ZNF280D: variants seen among roughly 807,000 people sequenced by gnomAD.
ZNF280D encodes zinc finger protein 280D, also known as suppressor of hairy wing homolog 4.
ZNF280D carries 39 observed loss-of-function variants against 94.7 expected under a neutral mutation model. That is an observed-to-expected ratio of 0.41 (90% CI 0.32 to 0.54). The LOEUF (loss-of-function observed/expected upper bound fraction) is 0.54, where lower values mean the gene tolerates loss of function less well. Ranked by LOEUF, ZNF280D falls within the 20% of genes least tolerant of loss-of-function variation. The probability of loss-of-function intolerance (pLI) is 0.22; values close to 1 mark genes in which losing one functional copy is unlikely to be tolerated. For synonymous variants in ZNF280D, 398 were observed against 377.6 expected (o/e 1.05, Z -0.63); for missense variants, 1,090 against 1,149.3 (o/e 0.95, Z 0.75).
At chr15:56,660,181 G>C (rs2053838421) in intron 16 of ZNF280D, among the ~76,000 whole-genome samples, 1 of 152,030 alleles carries the variant, frequency 6.6e-6, no homozygotes, top group African/African-American at 2.4e-5. Context: ...TATTTCCTCA[G>C]AGAAATAAGT....
chr15:56,714,497 A>T lies in ZNF280D; in HGVS notation c.-85-7191T>A, dbSNP rs113986761. Among the ~76,000 whole-genome samples, 767 of 152,326 alleles carry T rather than the reference A, an allele frequency of 5.0e-3. 9 individuals are homozygous for T. The highest frequency in any genetic ancestry group is 0.018 in the African/African-American group (729 of 41,582). On this transcript the variant is annotated intron_variant, in intron 1 of 21. Transcript: ENST00000267807. ...AAAAGACTATATATTTGAGAATCTT[A>T]ACAGTGAACAGGCAAAGAGAAGGGA...
chr15:56,654,187 A>G lies in ZNF280D; in HGVS notation c.2213+11T>C. 6.2e-7 allele frequency: 1 copy of G among 1,604,982 alleles called. No individual in the cohort carries two copies. Among genetic ancestry groups the G allele is most frequent in the Non-Finnish European group, 8.5e-7 (1 of 1,177,706 alleles). On this transcript the variant is annotated intron_variant, in intron 19 of 21. Transcript: ENST00000267807. The stretch of plus-strand genomic sequence containing the variant: ...TCAAAGTAAAATGCACTGAATAAAA[A>G]TTAAACTTACTCAGAAAGGTGCTCA...
chr15:56,696,124 T>C (rs532620715), intron 6 of ZNF280D, among the ~76,000 whole-genome samples: 29 of 152,212 alleles, frequency 1.9e-4, no homozygotes, highest in Non-Finnish European at 3.8e-4. Flanking sequence ...TGAGGCCTAG[T>C]AGGCAGATGT....
chr15:56,653,848 T>C, intron 19 of ZNF280D: 2 of 1,231,418 alleles, frequency 1.6e-6, no homozygotes, highest in Admixed American at 4.2e-5. Flanking sequence ...GAAAAAAAAA[T>C]ATGTTAAGAT....
chr15:56,632,605 C>A (rs2052138376), intron 21 of ZNF280D, among the ~76,000 whole-genome samples: 1 of 150,572 alleles, frequency 6.6e-6, no homozygotes, highest in South Asian at 2.1e-4. Flanking sequence ...AAGTGATCCT[C>A]CCACCTCAGC....
chr15:56,670,152 C>T (rs1480594735), intron 13 of ZNF280D, among the ~76,000 whole-genome samples: 2 of 140,436 alleles, frequency 1.4e-5, no homozygotes, highest in African/African-American at 5.3e-5. Context: ...AGCTGTATCT[C>T]TGCCAGATAC....
intron 9 of ZNF280D, among the ~76,000 whole-genome samples, chr15:56,687,706 A>T (rs139423044): frequency 7.2e-5 from 11 of 152,276 alleles, no homozygotes; most frequent in South Asian, 6.2e-4. Context: ...AAACATCAGA[A>T]ATCTCATCAA....
chr15:56,721,204 C>G (rs2058342010), intron 1 of ZNF280D, among the ~76,000 whole-genome samples: 1 of 152,140 alleles, frequency 6.6e-6, no homozygotes, highest in South Asian at 2.1e-4. Context: ...CTCCTGACAT[C>G]AAGTGATCCA....
chr15:56,702,910 A>AACACACACACAC (rs59095987), intron 4 of ZNF280D, among the ~76,000 whole-genome samples: 5 of 135,758 alleles, frequency 3.7e-5, no homozygotes, highest in African/African-American at 8.1e-5. Flanking sequence ...ATGGTAAGTA[A>AACACACACACAC]ACACACACAC....
intron 1 of ZNF280D, among the ~76,000 whole-genome samples, chr15:56,721,996 C>G (rs938333715): frequency 6.6e-6 from 1 of 152,186 alleles, no homozygotes; most frequent in African/African-American, 2.4e-5. Context: ...ATGTGCAAAT[C>G]TTCCTTATAC....
At chr15:56,669,893 TATATATATA>T (rs1269237913) in intron 13 of ZNF280D, among the ~76,000 whole-genome samples, 210 of 9,780 alleles carry the variant, frequency 0.021, 88 homozygotes, top group South Asian at 0.03. Flanking sequence ...ATATATTATA[TATATATATA>T]ATATATATAT....
intron 19 of ZNF280D, among the ~76,000 whole-genome samples, chr15:56,644,543 T>A (rs1474554792): frequency 6.6e-6 from 1 of 152,136 alleles, no homozygotes. Flanking sequence ...GAAAAACAAA[T>A]TGGTCACAGA....
In ZNF280D at chr15:56,699,319, C is replaced by T. The variant is rs1444024277; in HGVS notation, c.381+1614G>A. 4.4e-6 allele frequency: 4 copies of T among 916,912 alleles called. No individual in the cohort carries two copies. The Admixed American group carries it at 2.5e-4, about 57-fold the overall frequency. 56.8% of individuals were successfully genotyped at this position (916,912 alleles called of 1,614,324 possible). A position where few individuals can be genotyped will look rare whatever the true frequency, so the allele number is the denominator to read the frequency against. Reference sequence around the variant, plus strand: ...GTATGTATATCATACAGGAAAGAAGCAAATATAGCTCACACCTCTCACTCA... The same window carrying T: ...GTATGTATATCATACAGGAAAGAAGTAAATATAGCTCACACCTCTCACTCA... On this transcript the variant is annotated intron_variant, in intron 6 of 21. Coordinates refer to ENST00000267807, the MANE Select transcript of ZNF280D (RefSeq NM_017661.4).
At position 56,674,050 on chromosome 15, in the gene ZNF280D, A is replaced by G. The variant is rs575899576; in HGVS notation, c.1410+2620T>C. 2.6e-5 allele frequency among the ~76,000 whole-genome samples: 4 copies of G among 152,192 alleles called. No individual in the cohort carries two copies. In the South Asian group the frequency reaches 6.2e-4, roughly 24 times the overall value. On this transcript the variant is annotated intron_variant, in intron 13 of 21. Coordinates refer to ENST00000267807, the MANE Select transcript of ZNF280D (RefSeq NM_017661.4). The stretch of plus-strand genomic sequence containing the variant: ...TATAATGTAAATTCCAGAGGGCACA[A>G]ACTTGGTTTTGTTCAATGCTATATG...
chr15:56,654,083 A>AG, intron 19 of ZNF280D, 115 bp downstream of exon 19: 1 of 1,509,356 alleles, frequency 6.6e-7, no homozygotes. Context: ...TAAAAAAAAA[A>AG]CAAAAAAACA....
Position 56,704,248 on chromosome 15 carries a change from T to C in ZNF280D, c.48A>G (p.Glu16=). The stretch of plus-strand genomic sequence containing the variant: ...CCTCTTCTTCACATTCCATAAACAG[T>C]TCTGCCATTTTTGAATTACCTAATT... ...FQPKSNSKMA[E]LFMECEEEEL... is the part of the protein sequence containing the mutation. Residue 16 remains glutamate, a synonymous_variant, in exon 4 of 22, where the codon GAA becomes GAG. Transcript: ENST00000267807. 15 of 1,605,436 alleles carry C rather than the reference T, an allele frequency of 9.3e-6. No individual in the cohort carries two copies. The highest frequency in any genetic ancestry group is 1.1e-5 in the Non-Finnish European group (13 of 1,177,866).
At chr15:56,685,149 G>C (rs1331732670) in intron 9 of ZNF280D, among the ~76,000 whole-genome samples, 1 of 152,078 alleles carries the variant, frequency 6.6e-6, no homozygotes, top group East Asian at 1.9e-4. Flanking sequence ...TTACAGAATG[G>C]ACTACAGTCA....
rs2057265622 is a variant in ZNF280D at position 56,704,251 on chromosome 15, T to C, written c.45A>G (p.Ala15=). The C allele has an allele frequency of 5.0e-6, 8 of 1,604,862 alleles. No homozygotes were observed. The highest frequency in any genetic ancestry group is 2.3e-5 in the South Asian group (2 of 88,084). ...PFQPKSNSKM[A]ELFMECEEEE... is the part of the protein sequence containing the mutation. ...CTTCTTCACATTCCATAAACAGTTC[T>C]GCCATTTTTGAATTACCTAATTTTC... The change falls in exon 4 of 22, where the codon GCA becomes GCG. Residue 15 remains alanine, a synonymous_variant. Coordinates refer to ENST00000267807, the MANE Select transcript of ZNF280D (RefSeq NM_017661.4).
chr15:56,669,948 ATT>A (rs1491540615), intron 13 of ZNF280D, among the ~76,000 whole-genome samples: 6 of 2,568 alleles, frequency 2.3e-3, no homozygotes, highest in African/African-American at 7.8e-3. Context: ...ATATATATAT[ATT>A]ATATATATAT....
Sources: gnomAD v4.1 joint callset for allele counts (sites outside exome capture counted in the v4.1 genomes callset) on GRCh38, gnomAD v4.1.1 for gene constraint, MANE v1.5 for transcripts, NCBI Gene and HGNC (gene_info 2026-07-23, HGNC 2026-07-21) for gene names.